CNTNAP4: variants seen among roughly 807,000 people sequenced by gnomAD.
CNTNAP4 encodes the protein contactin-associated protein-like 4.
Under a neutral mutation model 148.4 loss-of-function variants are expected in CNTNAP4, and 98 were observed. The observed-to-expected ratio is 0.66, with a 90% CI of 0.56 to 0.78. CNTNAP4 has a LOEUF of 0.78. Ranked by LOEUF, CNTNAP4 falls within the 30% of genes least tolerant of loss-of-function variation. The pLI is 0.00. For missense variants in CNTNAP4, 1,935 were observed against 1,565.6 expected, an observed-to-expected ratio of 1.24 and a Z score of -3.98; for synonymous variants, 730 against 565.1, an observed-to-expected ratio of 1.29 and a Z score of -4.14.
rs1018438391 is a variant in CNTNAP4, at chr16:76,335,385, T to C, written c.196+18862T>C. Among the ~76,000 whole-genome samples, 81 of 152,160 alleles carry C rather than the reference T, an allele frequency of 5.3e-4. 5 individuals are homozygous for C. Among genetic ancestry groups the C allele is most frequent in the Non-Finnish European group, 1.5e-5 (1 of 68,012 alleles). On this transcript the variant is annotated intron_variant, in intron 2 of 23. Coordinates refer to ENST00000611870, the MANE Select transcript of CNTNAP4 (RefSeq NM_033401.5). ...CAATGCTTAAGAGAAAGCAGATGAC[T>C]GCACAGCTTGGGAACAAAGCTCATT...
chr16:76,415,303 T>A (rs183602028), intron 3 of CNTNAP4, among the ~76,000 whole-genome samples: 1 of 151,308 alleles, frequency 6.6e-6, no homozygotes, highest in Admixed American at 6.6e-5. Flanking sequence ...TGCATGACCT[T>A]CTTCAAAGAT....
intron 15 of CNTNAP4, among the ~76,000 whole-genome samples, chr16:76,499,219 C>G (rs1457533957): frequency 6.6e-6 from 1 of 151,802 alleles, no homozygotes; most frequent in Non-Finnish European, 1.5e-5. Flanking sequence ...TAAAAAAACT[C>G]TTTAACTATC....
intron 4 of CNTNAP4, among the ~76,000 whole-genome samples, chr16:76,446,008 A>G (rs553457039): frequency 1.4e-5 from 2 of 147,968 alleles, no homozygotes; most frequent in African/African-American, 4.8e-5. Context: ...TTAGGCTAAC[A>G]TTATTCTTTC....
chr16:76,418,755 T>C (rs2079077018), intron 3 of CNTNAP4, among the ~76,000 whole-genome samples: 1 of 151,626 alleles, frequency 6.6e-6, no homozygotes, highest in Non-Finnish European at 1.5e-5. Flanking sequence ...CTTTTTGCCA[T>C]TCCTTGTAAT....
At chr16:76,522,606 T>TTCC (rs2083501405) in intron 17 of CNTNAP4, among the ~76,000 whole-genome samples, 3 of 67,384 alleles carry the variant, frequency 4.5e-5, no homozygotes, top group Non-Finnish European at 9.9e-5. Context: ...CTTTCTTTTC[T>TTCC]TTATTTCCTT....
In CNTNAP4 at chr16:76,506,398, T is replaced by C. The variant is rs553459330; in HGVS notation, c.2365+7704T>C. The stretch of plus-strand genomic sequence containing the variant: ...TCCCTTCCTCATTTCCTTCTTTCCT[T>C]CTTTCCTCCCTTCCTCCCTTCCTTC... On this transcript the variant is annotated intron_variant, in intron 15 of 23. Transcript: ENST00000611870. 1.0e-2 allele frequency among the ~76,000 whole-genome samples: 476 copies of C among 47,760 alleles called. 45 individuals are homozygous for C. Among genetic ancestry groups the C allele is most frequent in the African/African-American group, 0.016 (458 of 28,136 alleles). 31.3% of individuals were successfully genotyped at this position (47,760 alleles called of 152,430 possible). A position where few individuals can be genotyped will look rare whatever the true frequency, so the allele number is the denominator to read the frequency against.
chr16:76,453,820 G>A (rs1238957126), intron 8 of CNTNAP4, among the ~76,000 whole-genome samples: 2 of 152,086 alleles, frequency 1.3e-5, no homozygotes, highest in African/African-American at 4.8e-5. Flanking sequence ...TTCGATATTA[G>A]TTATAATTTT....
Position 76,551,408 on chromosome 16 carries a change from T to A in CNTNAP4, c.3443-1875T>A, listed in dbSNP as rs534947975. On this transcript the variant is annotated intron_variant, in intron 21 of 23. Coordinates refer to ENST00000611870, the MANE Select transcript of CNTNAP4 (RefSeq NM_033401.5). ...GTGAGAGTCTGTTAAAAAAAAAATATATATATATATATATTAGAGCTCAGA... is the reference window on the plus strand; with the variant it reads ...GTGAGAGTCTGTTAAAAAAAAAATAAATATATATATATATTAGAGCTCAGA... 2.7e-3 allele frequency among the ~76,000 whole-genome samples: 397 copies of A among 148,074 alleles called. 2 individuals carry two copies. Among genetic ancestry groups the A allele is most frequent in the Admixed American group, 0.013 (197 of 14,854 alleles).
chr16:76,411,609 G>A (rs1471698498), intron 3 of CNTNAP4, among the ~76,000 whole-genome samples: 2 of 151,100 alleles, frequency 1.3e-5, no homozygotes, highest in South Asian at 2.1e-4. Flanking sequence ...ATTTCTCATA[G>A]TGTTCTTAAT....
chr16:76,424,511 T>G (rs559861311), intron 3 of CNTNAP4, among the ~76,000 whole-genome samples: 17 of 152,148 alleles, frequency 1.1e-4, no homozygotes, highest in Non-Finnish European at 2.2e-4. Context: ...CCTAACACCT[T>G]GAGAGGCCGA....
At chr16:76,502,288 A>T (rs1230996053) in intron 15 of CNTNAP4, among the ~76,000 whole-genome samples, 1 of 151,786 alleles carries the variant, frequency 6.6e-6, no homozygotes, top group African/African-American at 2.4e-5. Context: ...TCTCAGTTGG[A>T]TGAGCAGTGG....
At chr16:76,373,394 C>G (rs2015072804) in intron 3 of CNTNAP4, among the ~76,000 whole-genome samples, 1 of 152,172 alleles carries the variant, frequency 6.6e-6, no homozygotes, top group African/African-American at 2.4e-5. Context: ...ATAGCTTTAT[C>G]TATCCATATT....
chr16:76,403,054 C>G (rs114635575), intron 3 of CNTNAP4, among the ~76,000 whole-genome samples: 1 of 150,138 alleles, frequency 6.7e-6, no homozygotes, highest in African/African-American at 2.4e-5. Flanking sequence ...CATTAAAACG[C>G]GGGAAAAGGA....
At chr16:76,483,277 C>T (rs967052455) in intron 12 of CNTNAP4, among the ~76,000 whole-genome samples, 7 of 145,970 alleles carry the variant, frequency 4.8e-5, no homozygotes, top group South Asian at 4.4e-4. Flanking sequence ...CACACACACA[C>T]ATCCATTCTC....
chr16:76,283,675 GGA>G (rs914563213), intron 1 of CNTNAP4, among the ~76,000 whole-genome samples: 7 of 151,910 alleles, frequency 4.6e-5, no homozygotes, highest in African/African-American at 1.7e-4. Context: ...GAGAGTGGGA[GGA>G]GAGAGAGAAT....
intron 3 of CNTNAP4, among the ~76,000 whole-genome samples, chr16:76,369,295 A>G (rs1263754422): frequency 6.6e-6 from 1 of 152,192 alleles, no homozygotes; most frequent in Non-Finnish European, 1.5e-5. Context: ...TTTTTAAGCT[A>G]CTGCATCACA....
chr16:76,443,340 A>C (rs965941850), intron 4 of CNTNAP4, among the ~76,000 whole-genome samples: 9 of 152,262 alleles, frequency 5.9e-5, no homozygotes, highest in African/African-American at 2.2e-4. Context: ...TAATACTTCT[A>C]CTTTTCCTAT....
chr16:76,551,228 T>C (rs957102110), intron 21 of CNTNAP4, among the ~76,000 whole-genome samples: 1 of 151,992 alleles, frequency 6.6e-6, no homozygotes, highest in African/African-American at 2.4e-5. Flanking sequence ...CTGGCCAACA[T>C]GGCAAAACTC....
At chr16:76,293,276 C>T (rs1323000754) in intron 1 of CNTNAP4, among the ~76,000 whole-genome samples, 1 of 152,128 alleles carries the variant, frequency 6.6e-6, no homozygotes, top group East Asian at 1.9e-4. Context: ...AGGCATGTGC[C>T]ATCACGCCCA....
Sources: gnomAD v4.1 joint callset for allele counts (sites outside exome capture counted in the v4.1 genomes callset) on GRCh38, gnomAD v4.1.1 for gene constraint, MANE v1.5 for transcripts, NCBI Gene and HGNC (gene_info 2026-07-23, HGNC 2026-07-21) for gene names.